Variants in SLC16A11 observed in about 807,000 individuals in gnomAD.
The protein encoded by SLC16A11 is monocarboxylate transporter 11.
In SLC16A11, 24 loss-of-function variants were observed where a neutral mutation model predicts 26.0. That is an observed-to-expected ratio of 0.92 (90% confidence interval 0.67 to 1.30). SLC16A11 has a LOEUF of 1.30. Among genes scored for constraint, SLC16A11 ranks in the 50% most tolerant of loss-of-function variants. The pLI, the probability that SLC16A11 is intolerant of heterozygous loss-of-function variation, is 0.00. For missense variants in SLC16A11, 638 were observed against 597.7 expected, an observed-to-expected ratio of 1.07 and a Z score of -0.70; for synonymous variants, 332 against 296.0, an observed-to-expected ratio of 1.12 and a Z score of -1.25.
chr17:7,042,017 GC>G lies in SLC16A11; in HGVS notation c.1092del (p.Leu365SerfsTer10), dbSNP rs770453216. On this transcript the variant is annotated frameshift_variant, in exon 4 of 5. Coordinates refer to ENST00000574600, the MANE Select transcript of SLC16A11 (RefSeq NM_001370549.1). LOFTEE classifies it low-confidence loss of function (END_TRUNC). The surrounding 1 kb of genome is among the most constrained non-coding windows in gnomAD (Gnocchi z 5.9). ...TTACCTGACAGGGGAGGGCCCAGGAGCCCCCCGAGGCTCATCAGCATCATCA... is the reference window on the plus strand; with the variant it reads ...TTACCTGACAGGGGAGGGCCCAGGAGCCCCCGAGGCTCATCAGCATCATCA... ...GLVMMLMSLG[G>X]LLGPPLSGFL... 2 of 1,577,374 alleles carry G rather than the reference GC, an allele frequency of 1.3e-6. No homozygotes were observed. The highest frequency in any genetic ancestry group is 1.7e-6 in the Non-Finnish European group (2 of 1,158,352).
At chr17:7,043,680 C>G in intron 1 of SLC16A11, 95 bp downstream of exon 1, 1 of 1,417,720 alleles carries the variant, frequency 7.1e-7, no homozygotes, top group Middle Eastern at 2.3e-4. Context: ...TGGCCTAGGG[C>G]TGGAACTCCC....
At position 7,043,434 on chromosome 17, in the gene SLC16A11, A is replaced by T; in HGVS notation, c.80T>A (p.Leu27Gln). 6.2e-7 allele frequency: 1 copy of T among 1,601,352 alleles called. No homozygotes were observed. The highest frequency in any genetic ancestry group is 8.5e-7 in the Non-Finnish European group (1 of 1,177,532). Residue 27 changes from leucine (L) to glutamine (Q), a missense_variant, in exon 2 of 5, where the codon CTG becomes CAG. Leu to Gln is a moderately radical substitution (Grantham distance 113, BLOSUM62 -2). Coordinates refer to ENST00000574600, the MANE Select transcript of SLC16A11 (RefSeq NM_001370549.1). Reference protein sequence around the residue: ...VAAAAFAINGLSYGLLRSLGL... With the variant: ...VAAAAFAINGQSYGLLRSLGL... ...CAGCGAGCGCAGCAGCCCGTAGGAC[A>T]GCCCGTTTATCGCGAAGGCTGCGGC...
rs760429996 is a variant in SLC16A11, at chr17:7,042,785, T to G, written c.347-22A>C. ...AAGCCTGCGAATGAATAGGAGGGGA[T>G]GGGGGCCGGCACTGGGGACGCCCGC... On this transcript the variant is annotated intron_variant, in intron 3 of 4. Transcript: ENST00000574600. The surrounding 1 kb of genome is among the most constrained non-coding windows in gnomAD (Gnocchi z 5.9). 1 of 1,541,358 alleles carries G rather than the reference T, an allele frequency of 6.5e-7. No individual in the cohort carries two copies. The highest frequency in any genetic ancestry group is 8.7e-7 in the Non-Finnish European group (1 of 1,145,598).
chr17:7,042,231 A>G lies in SLC16A11; in HGVS notation c.879T>C (p.Ala293=), dbSNP rs957686846. 1.3e-6 allele frequency: 2 copies of G among 1,581,074 alleles called. No individual in the cohort carries two copies. The highest frequency in any genetic ancestry group is 2.7e-5 in the African/African-American group (2 of 73,688). ...PLPRLLAVFG[A]LTGLGLWVVG... The stretch of plus-strand genomic sequence containing the variant: ...CCACCCACAGCCCCAGCCCAGTCAG[A>G]GCCCCGAATACGGCCAGCAGCCGCG... Residue 293 remains alanine (A), a synonymous_variant, in exon 4 of 5, where the codon GCT becomes GCC. Coordinates refer to ENST00000574600, the MANE Select transcript of SLC16A11 (RefSeq NM_001370549.1). This position sits in a 1 kb window ranked among gnomAD's most constrained non-coding sequence, Gnocchi z 5.9.
Position 7,042,037 on chromosome 17 carries a change from A to G in SLC16A11, c.1073T>C (p.Met358Thr), listed in dbSNP as rs1016747572. 8 of 1,588,866 alleles carry G rather than the reference A, an allele frequency of 5.0e-6. No individual in the cohort carries two copies. Among genetic ancestry groups the G allele is most frequent in the Non-Finnish European group, 6.9e-6 (8 of 1,164,566 alleles). ...CAGGAGCCCCCCGAGGCTCATCAGC[A>G]TCATCACCAGCCCTGTGGCCTGCAC... ...GVVQATGLVM[M>T]LMSLGGLLGP... The change falls in exon 4 of 5, where the codon ATG becomes ACG. Residue 358 changes from methionine to threonine, a missense_variant. Met to Thr is a moderately conservative substitution (Grantham distance 81). Transcript: ENST00000574600. This position sits in a 1 kb window ranked among gnomAD's most constrained non-coding sequence, Gnocchi z 5.9.
At chr17:7,043,278 C>G (rs1910849472) in intron 2 of SLC16A11, 34 bp downstream of exon 2, 1 of 1,585,860 alleles carries the variant, frequency 6.3e-7, no homozygotes, top group African/African-American at 1.3e-5. Context: ...CTCCTCCTCC[C>G]CGTTCCTGTC....
rs1399614649 is a variant in SLC16A11, at chr17:7,042,433, C to T, written c.677G>A (p.Gly226Asp). Residue 226 changes from glycine (G) to aspartate (D), a missense_variant, in exon 4 of 5, where the codon GGC becomes GAC. Gly to Asp is a moderately conservative substitution (Grantham distance 94, BLOSUM62 -1). Coordinates refer to ENST00000574600, the MANE Select transcript of SLC16A11 (RefSeq NM_001370549.1). The surrounding 1 kb of genome is among the most constrained non-coding windows in gnomAD (Gnocchi z 5.9). ...TRRAFSIFAL[G>D]TALVGGGYFV... ...GTACCCGCCCCCAACCAGGGCTGTG[C>T]CTAGAGCAAAGATTGAGAAGGCCCG... 1.9e-6 allele frequency: 3 copies of T among 1,557,820 alleles called. No homozygotes were observed. The highest frequency in any genetic ancestry group is 1.9e-5 in the Admixed American group (1 of 51,834).
In SLC16A11 at chr17:7,042,515, G is replaced by C. The variant is rs762819637; in HGVS notation, c.595C>G (p.Pro199Ala). ...LLLPLVLPGDPPAPPRSPLAA... is the reference protein window; with the variant it reads ...LLLPLVLPGDAPAPPRSPLAA... ...AGGGGACTACGCGGTGGGGCTGGGG[G>C]GTCTCCAGGAAGGACCAGGGGTAGC... Residue 199 changes from proline (P) to alanine (A), a missense_variant, in exon 4 of 5, where the codon CCC (proline) becomes GCC (alanine). Coordinates refer to ENST00000574600, the MANE Select transcript of SLC16A11 (RefSeq NM_001370549.1). This position sits in a 1 kb window ranked among gnomAD's most constrained non-coding sequence, Gnocchi z 5.9. 3 of 1,564,670 alleles carry C rather than the reference G, an allele frequency of 1.9e-6. No individual in the cohort carries two copies. Among genetic ancestry groups the C allele is most frequent in the East Asian group, 2.3e-5 (1 of 43,008 alleles).
chr17:7,042,695 C>A lies in SLC16A11; in HGVS notation c.415G>T (p.Val139Phe). Residue 139 changes from valine to phenylalanine, a missense_variant, in exon 4 of 5, where the codon GTC becomes TTC. Val to Phe is a conservative substitution (Grantham distance 50, BLOSUM62 -1). Transcript: ENST00000574600. The surrounding 1 kb of genome is among the most constrained non-coding windows in gnomAD (Gnocchi z 5.9). Reference protein sequence around the residue: ...TLSRYFSRRRVLAVGLALTGN... With the variant: ...TLSRYFSRRRFLAVGLALTGN... Reference sequence around the variant, plus strand: ...GTGAGCGCCAGCCCCACCGCCAAGACTCGACGGCGGGAGAAGTAACGCGAG... The same window carrying A: ...GTGAGCGCCAGCCCCACCGCCAAGAATCGACGGCGGGAGAAGTAACGCGAG... 6.4e-7 allele frequency: 1 copy of A among 1,551,200 alleles called. No homozygotes were observed. Among genetic ancestry groups the A allele is most frequent in the South Asian group, 1.2e-5 (1 of 84,954 alleles).
In SLC16A11 at chr17:7,042,339, C is replaced by A; in HGVS notation, c.771G>T (p.Leu257=). Residue 257 remains leucine, a synonymous_variant, in exon 4 of 5, where the codon CTG becomes CTT. Coordinates refer to ENST00000574600, the MANE Select transcript of SLC16A11 (RefSeq NM_001370549.1). The surrounding 1 kb of genome is among the most constrained non-coding windows in gnomAD (Gnocchi z 5.9). ...DRGLGGYGAA[L]VVAVAAMGDA... ...CCCCCATCGCAGCCACGGCCACCAC[C>A]AGCGCTGCTCCGTATCCCCCCAGGC... 6 of 1,552,922 alleles carry A rather than the reference C, an allele frequency of 3.9e-6. No individual in the cohort carries two copies. The highest frequency in any genetic ancestry group is 5.2e-6 in the Non-Finnish European group (6 of 1,146,648).
In SLC16A11 at chr17:7,043,341, G is replaced by A. The variant is rs1218197275; in HGVS notation, c.173C>T (p.Ala58Val). The change falls in exon 2 of 5, where the codon GCC (alanine) becomes GTC (valine). Residue 58 changes from alanine to valine, a missense_variant. Ala to Val is a moderately conservative substitution (Grantham distance 64). Transcript: ENST00000574600. ...RSAQDTAWIS[A>V]LALAVQQAAS... ...TGCCTGCTGCACGGCCAGGGCCAGGGCGCTGATCCACGCAGTGTCCTGGGC... is the reference window on the plus strand; with the variant it reads ...TGCCTGCTGCACGGCCAGGGCCAGGACGCTGATCCACGCAGTGTCCTGGGC... 3 of 1,609,974 alleles carry A rather than the reference G, an allele frequency of 1.9e-6. No individual in the cohort carries two copies. Among genetic ancestry groups the A allele is most frequent in the Non-Finnish European group, 1.7e-6 (2 of 1,179,824 alleles).
rs1910774165 is a variant in SLC16A11 at position 7,042,190 on chromosome 17, A to G, written c.920T>C (p.Val307Ala). Reference protein sequence around the residue: ...LGLWVVGLVPVVGGEESWGGP... With the variant: ...LGLWVVGLVPAVGGEESWGGP... ...CCCCCAGCTCTCTTCGCCGCCCACCACGGGCACCAGCCCCACCACCCACAG... is the reference window on the plus strand; with the variant it reads ...CCCCCAGCTCTCTTCGCCGCCCACCGCGGGCACCAGCCCCACCACCCACAG... Residue 307 changes from valine to alanine, a missense_variant, in exon 4 of 5, where the codon GTG becomes GCG. Coordinates refer to ENST00000574600, the MANE Select transcript of SLC16A11 (RefSeq NM_001370549.1). The surrounding 1 kb of genome is among the most constrained non-coding windows in gnomAD (Gnocchi z 5.9). 5 of 1,568,638 alleles carry G rather than the reference A, an allele frequency of 3.2e-6. No homozygotes were observed. The South Asian group carries it at 5.8e-5, about 18-fold the overall frequency.
In SLC16A11 at chr17:7,042,183, GC is replaced by G; in HGVS notation, c.926del (p.Gly309AlafsTer19). ...GGGGACCCCCCCAGCTCTCTTCGCC[GC>G]CCACCACGGGCACCAGCCCCACCAC... ...LWVVGLVPVVGGEESWGGPLL... is the reference protein window; with the variant it reads ...LWVVGLVPVVXGEESWGGPLL... On this transcript the variant is annotated frameshift_variant, in exon 4 of 5. Transcript: ENST00000574600. LOFTEE classifies it high-confidence loss of function. The surrounding 1 kb of genome is among the most constrained non-coding windows in gnomAD (Gnocchi z 5.9). 1 of 1,567,500 alleles carries G rather than the reference GC, an allele frequency of 6.4e-7. No homozygotes were observed. The highest frequency in any genetic ancestry group is 2.4e-5 in the East Asian group (1 of 41,728).
chr17:7,043,853 CG>C lies in SLC16A11; in HGVS notation c.-86del. On this transcript the variant is annotated 5_prime_UTR_variant, in exon 1 of 5. Transcript: ENST00000574600. ...GCTTTCTCTCTGCTTCCCAGGCGGGCGGGGGCCCCGAAGGGGAGCGAGGGCA... is the reference window on the plus strand; with the variant it reads ...GCTTTCTCTCTGCTTCCCAGGCGGGCGGGGCCCCGAAGGGGAGCGAGGGCA... 7.3e-6 allele frequency: 3 copies of C among 410,916 alleles called. No homozygotes were observed. The highest frequency in any genetic ancestry group is 1.3e-5 in the Non-Finnish European group (3 of 233,814). The allele number at this position is 410,916 out of a possible 1,614,324, so 25.5% of individuals were successfully genotyped here.
rs780047693 is a variant in SLC16A11, at chr17:7,042,919, A to G, written c.346+11T>C. ...TCACCCTGAATGACCCGGGCATCCC[A>G]CTTCCCTCACCAGCGAGGAGGCCCA... On this transcript the variant is annotated intron_variant, in intron 3 of 4. Transcript: ENST00000574600. The surrounding 1 kb of genome is among the most constrained non-coding windows in gnomAD (Gnocchi z 5.9). 3.7e-6 allele frequency: 6 copies of G among 1,612,426 alleles called. No individual in the cohort carries two copies. In the African/African-American group the frequency reaches 5.4e-5, roughly 14 times the overall value.
Position 7,043,385 on chromosome 17 carries a change from G to A in SLC16A11, c.129C>T (p.Ala43=), listed in dbSNP as rs769067569. The change falls in exon 2 of 5, where the codon GCC becomes GCT. Residue 43 remains alanine, a synonymous_variant. Transcript: ENST00000574600. Reference sequence around the variant, plus strand: ...CCTGGGCGCTTCGGTCAAAGTGCTCGGCAAGGTCAGGGAAGGCAAGGCCCA... The same window carrying A: ...CCTGGGCGCTTCGGTCAAAGTGCTCAGCAAGGTCAGGGAAGGCAAGGCCCA... ...RSLGLAFPDL[A]EHFDRSAQDT... is the part of the protein sequence containing the mutation. 43 of 1,609,794 alleles carry A rather than the reference G, an allele frequency of 2.7e-5. No individual in the cohort carries two copies. The highest frequency in any genetic ancestry group is 3.5e-5 in the Non-Finnish European group (41 of 1,179,754).
intron 1 of SLC16A11, 23 bp from the exon 2 acceptor site, chr17:7,043,542 T>C (rs370550707): frequency 2.5e-6 from 4 of 1,592,478 alleles, no homozygotes; most frequent in Admixed American, 3.4e-5. Context: ...GAAACATCTG[T>C]GAGAGAAGCC....
Position 7,042,158 on chromosome 17 carries a change from G to GGGGA in SLC16A11, c.948_951dup (p.Leu318SerfsTer61), listed in dbSNP as rs1439233250. On this transcript the variant is annotated frameshift_variant, in exon 4 of 5. Coordinates refer to ENST00000574600, the MANE Select transcript of SLC16A11 (RefSeq NM_001370549.1). LOFTEE classifies it high-confidence loss of function. This position sits in a 1 kb window ranked among gnomAD's most constrained non-coding sequence, Gnocchi z 5.9. ...CCATAGGCCACAGCCGCGGCCAGCA[G>GGGGA]GGGACCCCCCCAGCTCTCTTCGCCG... 1.9e-6 allele frequency: 3 copies of GGGGA among 1,578,306 alleles called. No individual in the cohort carries two copies. The highest frequency in any genetic ancestry group is 2.6e-6 in the Non-Finnish European group (3 of 1,163,238).
Position 7,042,945 on chromosome 17 carries a change from G to C in SLC16A11, c.331C>G (p.Leu111Val). Residue 111 changes from leucine (L) to valine (V), a missense_variant, in exon 3 of 5, where the codon CTG becomes GTG. By Grantham distance (32) the Leu-to-Val change is conservative. Coordinates refer to ENST00000574600, the MANE Select transcript of SLC16A11 (RefSeq NM_001370549.1). This position sits in a 1 kb window ranked among gnomAD's most constrained non-coding sequence, Gnocchi z 5.9. ...ASDLLHLYLG[L>V]GLLAGFGWAL... ...CTTCCCTCACCAGCGAGGAGGCCCAGGCCGAGGTAGAGATGCAGCAGATCG... is the reference window on the plus strand; with the variant it reads ...CTTCCCTCACCAGCGAGGAGGCCCACGCCGAGGTAGAGATGCAGCAGATCG... 2 of 1,613,226 alleles carry C rather than the reference G, an allele frequency of 1.2e-6. No homozygotes were observed. Among genetic ancestry groups the C allele is most frequent in the Non-Finnish European group, 1.7e-6 (2 of 1,179,860 alleles).
Sources: gnomAD v4.1 joint callset for allele counts on GRCh38, gnomAD v4.1.1 for gene constraint, Gnocchi (gnomAD v3.1) non-coding constraint, MANE v1.5 for transcripts, NCBI Gene and HGNC (gene_info 2026-07-23, HGNC 2026-07-21) for gene names.